STXBP6: variants seen among roughly 807,000 people sequenced by gnomAD.
The protein encoded by STXBP6 is syntaxin binding protein 6, also known as syntaxin-binding protein 6.
STXBP6 carries 21 observed loss-of-function variants against 26.9 expected under a neutral mutation model. The observed-to-expected ratio is 0.78, with a 90% CI of 0.55 to 1.12. The LOEUF is 1.12. STXBP6 is among the 50% of genes most tolerant of loss of function. STXBP6 has a pLI of 0.00. For missense variants in STXBP6, 232 were observed against 257.9 expected, an observed-to-expected ratio of 0.90 and a Z score of 0.69; for synonymous variants, 97 against 92.6, an observed-to-expected ratio of 1.05 and a Z score of -0.27.
At chr14:24,926,290 G>A (rs1166284978) in intron 2 of STXBP6, among the ~76,000 whole-genome samples, 1 of 152,156 alleles carries the variant, frequency 6.6e-6, no homozygotes, top group Non-Finnish European at 1.5e-5. Flanking sequence ...TAAAAATTGG[G>A]ACAAGAAGTG....
At chr14:24,872,142 C>A (rs182090639) in intron 2 of STXBP6, among the ~76,000 whole-genome samples, 38 of 152,258 alleles carry the variant, frequency 2.5e-4, no homozygotes, top group Middle Eastern at 3.4e-3. Context: ...CTTTTTCAAA[C>A]AGAAATTTTA....
At chr14:24,821,664 AAGCTTC>A (rs531929428) in intron 4 of STXBP6, among the ~76,000 whole-genome samples, 1 of 152,108 alleles carries the variant, frequency 6.6e-6, no homozygotes, top group Non-Finnish European at 1.5e-5. Context: ...CACCTTTATT[AAGCTTC>A]AGGTCAATTC....
chr14:24,978,463 G>A (rs769123747), intron 1 of STXBP6, among the ~76,000 whole-genome samples: 35 of 152,186 alleles, frequency 2.3e-4, no homozygotes, highest in African/African-American at 6.5e-4. Flanking sequence ...CAAGCCTTAC[G>A]TCTTAGTGTT....
At chr14:24,970,146 C>A (rs1199849340) in intron 2 of STXBP6, among the ~76,000 whole-genome samples, 1 of 151,646 alleles carries the variant, frequency 6.6e-6, no homozygotes, top group African/African-American at 2.4e-5. Context: ...GAGGCTGGGG[C>A]AGGAGAACTG....
chr14:24,918,279 C>T (rs952648896), intron 2 of STXBP6, among the ~76,000 whole-genome samples: 6 of 151,660 alleles, frequency 4.0e-5, no homozygotes, highest in African/African-American at 1.5e-4. Context: ...AATTATATTT[C>T]AATAAAACTA....
chr14:24,941,754 C>T (rs2072810539), intron 2 of STXBP6, among the ~76,000 whole-genome samples: 2 of 152,224 alleles, frequency 1.3e-5, no homozygotes, highest in African/African-American at 4.8e-5. Context: ...CTGCTTTGGA[C>T]CTCTTTCTTC....
chr14:24,930,030 A>C (rs1482568952), intron 2 of STXBP6, among the ~76,000 whole-genome samples: 1 of 152,252 alleles, frequency 6.6e-6, no homozygotes, highest in Non-Finnish European at 1.5e-5. Flanking sequence ...TTAACTGACA[A>C]ATATTCCCCA....
chr14:24,937,306 A>C, intron 2 of STXBP6, among the ~76,000 whole-genome samples: 1 of 152,210 alleles, frequency 6.6e-6, no homozygotes, highest in East Asian at 1.9e-4. Context: ...AAGTAAAGAG[A>C]CTACCAATTA....
At chr14:24,907,356 A>C (rs917331691) in intron 2 of STXBP6, among the ~76,000 whole-genome samples, 4 of 152,206 alleles carry the variant, frequency 2.6e-5, no homozygotes, top group African/African-American at 9.6e-5. Flanking sequence ...TTTTATTTAG[A>C]AATTTATAAA....
chr14:24,828,907 G>A (rs2068369853), intron 4 of STXBP6, among the ~76,000 whole-genome samples: 1 of 152,168 alleles, frequency 6.6e-6, no homozygotes, highest in Non-Finnish European at 1.5e-5. Context: ...GCACCATTTT[G>A]GGAGAAAACC....
Position 25,049,312 on chromosome 14 carries a change from A to AG in STXBP6, c.-33+565dup. 1 of 985,446 alleles carries AG rather than the reference A, an allele frequency of 1.0e-6. No homozygotes were observed. Among genetic ancestry groups the AG allele is most frequent in the Non-Finnish European group, 1.2e-6 (1 of 829,960 alleles). 61.0% of individuals were successfully genotyped at this position (985,446 alleles called of 1,614,324 possible). Reference sequence around the variant, plus strand: ...CCCTTGACCAAGCCTGAGATCGGAAAGGGGGCATCGCCCAGGGCCAGCGCC... The same window carrying AG: ...CCCTTGACCAAGCCTGAGATCGGAAAGGGGGGCATCGCCCAGGGCCAGCGCC... On this transcript the variant is annotated intron_variant, in intron 1 of 5. Transcript: ENST00000323944. The surrounding 1 kb of genome is among the most constrained non-coding windows in gnomAD (Gnocchi z 5.6).
chr14:24,874,333 A>G (rs1267710105), intron 2 of STXBP6, among the ~76,000 whole-genome samples: 4 of 152,136 alleles, frequency 2.6e-5, no homozygotes, highest in South Asian at 2.1e-4. Context: ...TCAGATTTGT[A>G]TTATGGGACT....
At chr14:24,879,262 T>C (rs1026392263) in intron 2 of STXBP6, among the ~76,000 whole-genome samples, 3 of 152,188 alleles carry the variant, frequency 2.0e-5, no homozygotes, top group African/African-American at 7.2e-5. Context: ...GTATCTCCTC[T>C]ACAGCCCAAC....
rs1337544755 is a variant in STXBP6, at chr14:24,810,244, C to A, written c.*2465G>T. On this transcript the variant is annotated 3_prime_UTR_variant, in exon 6 of 6. Coordinates refer to ENST00000323944, the MANE Select transcript of STXBP6 (RefSeq NM_001394410.1). ...ATGAAACAAATGAAATGTCTTCTGA[C>A]AAGCTCAACCAAACTGGTCCCAAAT... The A allele has an allele frequency of 6.6e-6, 1 of 152,240 alleles. No individual in the cohort carries two copies. The highest frequency in any genetic ancestry group is 6.5e-5 in the Admixed American group (1 of 15,286). 9.4% of individuals were successfully genotyped at this position (152,240 alleles called of 1,614,324 possible).
chr14:24,883,252 T>C (rs547430383), intron 2 of STXBP6, among the ~76,000 whole-genome samples: 2 of 152,094 alleles, frequency 1.3e-5, no homozygotes, highest in African/African-American at 2.4e-5. Flanking sequence ...GCTAAAAGCA[T>C]GTTTTTTTTT....
intron 2 of STXBP6, among the ~76,000 whole-genome samples, chr14:24,893,089 T>G (rs2070851403): frequency 6.6e-6 from 1 of 152,206 alleles, no homozygotes; most frequent in Non-Finnish European, 1.5e-5. Flanking sequence ...GTTTTCTAGG[T>G]GAGCTGTGGT....
chr14:24,923,735 C>A (rs1365484746), intron 2 of STXBP6, among the ~76,000 whole-genome samples: 1 of 152,158 alleles, frequency 6.6e-6, no homozygotes, highest in African/African-American at 2.4e-5. Context: ...ATTTCCTCTT[C>A]TTTGAGCTAC....
intron 4 of STXBP6, among the ~76,000 whole-genome samples, chr14:24,828,259 T>A (rs2068347764): frequency 6.6e-6 from 1 of 152,058 alleles, no homozygotes; most frequent in Non-Finnish European, 1.5e-5. Flanking sequence ...AGAAAGCAGT[T>A]TAAAGGAGAT....
chr14:25,046,082 A>T (rs969975107), intron 1 of STXBP6, among the ~76,000 whole-genome samples: 1 of 152,220 alleles, frequency 6.6e-6, no homozygotes, highest in Non-Finnish European at 1.5e-5. Flanking sequence ...CAGTAATAAC[A>T]GTCCTAATGA....
Sources: allele counts gnomAD v4.1 joint callset (sites outside exome capture counted in the v4.1 genomes callset), GRCh38; gene constraint gnomAD v4.1.1; non-coding constraint Gnocchi (gnomAD v3.1); transcripts MANE v1.5; gene names NCBI Gene and HGNC (gene_info 2026-07-23, HGNC 2026-07-21).